DDX25: variants seen among roughly 807,000 people sequenced by gnomAD.
The protein encoded by DDX25 is DEAD-box helicase 25.
DDX25 carries 70 observed loss-of-function variants against 64.6 expected under a neutral mutation model. The observed-to-expected ratio is 1.08, with a 90% confidence interval of 0.89 to 1.32. The LOEUF (loss-of-function observed/expected upper bound fraction) is 1.32, where lower values mean the gene tolerates loss of function less well. DDX25 is among the 40% of genes most tolerant of loss of function. The pLI is 0.00. For synonymous variants in DDX25, 211 were observed against 213.3 expected (o/e 0.99, Z 0.09); for missense variants, 587 against 604.4 (o/e 0.97, Z 0.30).
intron 4 of DDX25, among the ~76,000 whole-genome samples, chr11:125,907,994 G>A (rs749209418): frequency 2.0e-5 from 3 of 152,122 alleles, no homozygotes; most frequent in Non-Finnish European, 2.9e-5. Flanking sequence ...GGCTTATGGC[G>A]TAGCTTATTA....
Position 125,921,254 on chromosome 11 carries a change from A to G in DDX25, c.1265A>G (p.Glu422Gly). 1 of 1,613,172 alleles carries G rather than the reference A, an allele frequency of 6.2e-7. No individual in the cohort carries two copies. Among genetic ancestry groups the G allele is most frequent in the Non-Finnish European group, 8.5e-7 (1 of 1,179,642 alleles). Residue 422 changes from glutamate (E) to glycine (G), a missense_variant, in exon 11 of 12, where the codon GAG becomes GGG. Transcript: ENST00000263576. The surrounding 1 kb of genome is among the most constrained non-coding windows in gnomAD (Gnocchi z 4.1). ...GATCTCCCTGTAAAACAAGGAGAGG[A>G]GCCGGACTATGAGACCTACCTCCAC... ...NFDLPVKQGE[E>G]PDYETYLHRI... is the part of the protein sequence containing the mutation.
In DDX25 at chr11:125,928,239, A is replaced by T. The variant is rs890851395; in HGVS notation, c.*5358A>T. 2.0e-5 allele frequency: 3 copies of T among 152,210 alleles called. No homozygotes were observed. The highest frequency in any genetic ancestry group is 2.9e-5 in the Non-Finnish European group (2 of 68,032). 9.4% of individuals were successfully genotyped at this position (152,210 alleles called of 1,614,324 possible). ...AATATAAACATCTGTGGTTAATTAT[A>T]GTATTATATCTTTTTATTTGAAACA... On this transcript the variant is annotated 3_prime_UTR_variant, in exon 12 of 12. Transcript: ENST00000263576.
intron 8 of DDX25, among the ~76,000 whole-genome samples, chr11:125,911,717 C>T (rs1374954846): frequency 6.6e-6 from 1 of 152,242 alleles, no homozygotes; most frequent in Non-Finnish European, 1.5e-5. Flanking sequence ...TGCAACACAG[C>T]TTACAGATGG....
In DDX25 at chr11:125,921,384, G is replaced by C; in HGVS notation, c.1390+5G>C. The C allele has an allele frequency of 6.2e-7, 1 of 1,612,768 alleles. No individual in the cohort carries two copies. The highest frequency in any genetic ancestry group is 8.5e-7 in the Non-Finnish European group (1 of 1,179,208). On this transcript the variant is annotated splice_donor_5th_base_variant and intron_variant, in intron 11 of 11. Coordinates refer to ENST00000263576, the MANE Select transcript of DDX25 (RefSeq NM_013264.5). The surrounding 1 kb of genome is among the most constrained non-coding windows in gnomAD (Gnocchi z 4.1). Reference sequence around the variant, plus strand: ...TGAAAATCCAGGACCACTTTAGTAAGTAGCACCACCCTCACAATATGAACT... The same window carrying C: ...TGAAAATCCAGGACCACTTTAGTAACTAGCACCACCCTCACAATATGAACT...
chr11:125,908,705 A>G lies in DDX25; in HGVS notation c.507+202A>G, dbSNP rs116922996. On this transcript the variant is annotated intron_variant, in intron 6 of 11. Transcript: ENST00000263576. Reference sequence around the variant, plus strand: ...GGCTTTATAGTCTTGAGTGGTTTCAATGCTAGCCTCCCACTTACTAACTGA... The same window carrying G: ...GGCTTTATAGTCTTGAGTGGTTTCAGTGCTAGCCTCCCACTTACTAACTGA... Among the ~76,000 whole-genome samples the G allele has an allele frequency of 1.2e-4, 19 of 152,010 alleles. No individual in the cohort carries two copies. In the East Asian group the frequency reaches 3.7e-3, roughly 30 times the overall value.
At chr11:125,904,782 TAGAA>T in intron 1 of DDX25, 1 of 660,328 alleles carries the variant, frequency 1.5e-6, no homozygotes, top group Non-Finnish European at 2.6e-6. Context: ...GACCTTTGGT[TAGAA>T]AGGGCAAAAA....
intron 10 of DDX25, chr11:125,920,880 G>C (rs1318329083): frequency 1.2e-5 from 3 of 243,850 alleles, no homozygotes; most frequent in African/African-American, 6.7e-5. Flanking sequence ...GGGTGGCTCT[G>C]TGGGCTTGGT....
rs1388284009 is a variant in DDX25 at position 125,921,870 on chromosome 11, AGAGT to A, written c.1390+495_1390+498del. 1 of 153,260 alleles carries A rather than the reference AGAGT, an allele frequency of 6.5e-6. No individual in the cohort carries two copies. The highest frequency in any genetic ancestry group is 1.5e-5 in the Non-Finnish European group (1 of 68,764). The allele number at this position is 153,260 out of a possible 1,614,324, so 9.5% of individuals were successfully genotyped here. A position where few individuals can be genotyped will look rare whatever the true frequency, so the allele number is the denominator to read the frequency against. On this transcript the variant is annotated intron_variant, in intron 11 of 11. Transcript: ENST00000263576. The surrounding 1 kb of genome is among the most constrained non-coding windows in gnomAD (Gnocchi z 4.1). ...CACAACTGCACTCCAGCCTGGCGAA[AGAGT>A]GAGACTGCGTCTCAAAAAAATAAAA...
rs1420144103 is a variant in DDX25 at position 125,905,541 on chromosome 11, C to A, written c.131-12C>A. 17 of 1,550,722 alleles carry A rather than the reference C, an allele frequency of 1.1e-5. No individual in the cohort carries two copies. Among genetic ancestry groups the A allele is most frequent in the Middle Eastern group, 1.7e-4 (1 of 6,008 alleles). On this transcript the variant is annotated splice_polypyrimidine_tract_variant and intron_variant, in intron 2 of 11. Coordinates refer to ENST00000263576, the MANE Select transcript of DDX25 (RefSeq NM_013264.5). ...GTCTTTACTTGTATTGTTTCTCTTC[C>A]ATCCTTTCCAGATGGTTCTATTAAT...
In DDX25 at chr11:125,918,765, C is replaced by G. The variant is rs1320632595; in HGVS notation, c.1176C>G (p.Leu392=). The change falls in exon 10 of 12, where the codon CTC becomes CTG. Residue 392 remains leucine, a synonymous_variant. Transcript: ENST00000263576. The stretch of plus-strand genomic sequence containing the variant: ...TTCGGGATGGGAAAGAGAAGGTTCT[C>G]ATAACAACTAATGTTTGTGCCCGAG... ...QRFRDGKEKV[L]ITTNVCARGI... The G allele has an allele frequency of 1.9e-6, 3 of 1,596,178 alleles. No homozygotes were observed. Among genetic ancestry groups the G allele is most frequent in the East Asian group, 4.5e-5 (2 of 44,150 alleles).
rs1591523446 is a variant in DDX25 at position 125,924,601 on chromosome 11, T to A, written c.*1720T>A. On this transcript the variant is annotated 3_prime_UTR_variant, in exon 12 of 12. Coordinates refer to ENST00000263576, the MANE Select transcript of DDX25 (RefSeq NM_013264.5). ...CCACCCAGCAACTTTCTAACCTGAGTCTACGAGAGGAAGTGTTCCAGACCC... is the reference window on the plus strand; with the variant it reads ...CCACCCAGCAACTTTCTAACCTGAGACTACGAGAGGAAGTGTTCCAGACCC... 6.6e-6 allele frequency: 1 copy of A among 152,306 alleles called. No homozygotes were observed. The highest frequency in any genetic ancestry group is 1.5e-5 in the Non-Finnish European group (1 of 68,050). 9.4% of individuals were successfully genotyped at this position (152,306 alleles called of 1,614,324 possible).
At chr11:125,905,083 C>T in intron 1 of DDX25, 129 bp from the exon 2 acceptor site, 1 of 782,820 alleles carries the variant, frequency 1.3e-6, no homozygotes, top group Non-Finnish European at 2.1e-6. Context: ...CTGCTGCTAC[C>T]TAATATTGCA....
In DDX25 at chr11:125,920,174, C is replaced by T. The variant is rs111806770; in HGVS notation, c.1202-1017C>T. 1.4e-3 allele frequency among the ~76,000 whole-genome samples: 215 copies of T among 152,270 alleles called. 1 individual carries two copies. The highest frequency in any genetic ancestry group is 4.9e-3 in the African/African-American group (204 of 41,550). On this transcript the variant is annotated intron_variant, in intron 10 of 11. Coordinates refer to ENST00000263576, the MANE Select transcript of DDX25 (RefSeq NM_013264.5). ...TTGCAGGGGCGGGTGCGGTGGCTCA[C>T]GCCTGTAATCCCAACACTTTGGGAG...
In DDX25 at chr11:125,926,057, C is replaced by T. The variant is rs2134289494; in HGVS notation, c.*3176C>T. ...GGTTTTGTCAAGCCTTGGCTTGGTT[C>T]CTGGTCCTCTGAGAGGCTCAGTCTC... On this transcript the variant is annotated 3_prime_UTR_variant, in exon 12 of 12. Transcript: ENST00000263576. 6.5e-6 allele frequency: 1 copy of T among 152,940 alleles called. No homozygotes were observed. The highest frequency in any genetic ancestry group is 2.4e-5 in the African/African-American group (1 of 41,540). The allele number at this position is 152,940 out of a possible 1,614,324, so 9.5% of individuals were successfully genotyped here.
In DDX25 at chr11:125,917,179, G is replaced by C; in HGVS notation, c.966G>C (p.Arg322Ser). 6.2e-7 allele frequency: 1 copy of C among 1,611,620 alleles called. No homozygotes were observed. The highest frequency in any genetic ancestry group is 8.5e-7 in the Non-Finnish European group (1 of 1,179,054). ...AATATTACGTGCTGTGTGAGCACAGGAAAGACAAATACCAAGCTCTGTGCA... is the reference window on the plus strand; with the variant it reads ...AATATTACGTGCTGTGTGAGCACAGCAAAGACAAATACCAAGCTCTGTGCA... ...IRQYYVLCEH[R>S]KDKYQALCNI... Residue 322 changes from arginine to serine, a missense_variant, in exon 9 of 12, where the codon AGG becomes AGC. Transcript: ENST00000263576.
chr11:125,907,525 G>C (rs533507753), intron 4 of DDX25, among the ~76,000 whole-genome samples: 1 of 151,958 alleles, frequency 6.6e-6, no homozygotes, highest in Non-Finnish European at 1.5e-5. Flanking sequence ...GGAGAATGGC[G>C]TGAACCCGGG....
At position 125,926,541 on chromosome 11, in the gene DDX25, CTTCTCTTTTTTTT is replaced by C. The variant is rs1180683141; in HGVS notation, c.*3663_*3675del. 2 of 151,446 alleles carry C rather than the reference CTTCTCTTTTTTTT, an allele frequency of 1.3e-5. No individual in the cohort carries two copies. The highest frequency in any genetic ancestry group is 4.9e-5 in the African/African-American group (2 of 40,942). The allele number at this position is 151,446 out of a possible 1,614,324, so 9.4% of individuals were successfully genotyped here. A position where few individuals can be genotyped will look rare whatever the true frequency, so the allele number is the denominator to read the frequency against. On this transcript the variant is annotated 3_prime_UTR_variant, in exon 12 of 12. Coordinates refer to ENST00000263576, the MANE Select transcript of DDX25 (RefSeq NM_013264.5). ...TGGCTGAGAGAATTTGACATTTTCC[CTTCTCTTTTTTTT>C]TTTTTTGAGATGGAGTCTCACTGTG...
intron 10 of DDX25, among the ~76,000 whole-genome samples, chr11:125,919,486 C>G (rs552316522): frequency 3.3e-5 from 5 of 151,572 alleles, no homozygotes; most frequent in Admixed American, 3.3e-4. Context: ...TCTCTGATAA[C>G]TAATGATGTT....
rs1489964329 is a variant in DDX25, at chr11:125,911,446, T to C, written c.758T>C (p.Ile253Thr). The C allele has an allele frequency of 6.2e-7, 1 of 1,613,952 alleles. No homozygotes were observed. The highest frequency in any genetic ancestry group is 2.2e-5 in the East Asian group (1 of 44,874). ...GTCCTGGATGAAGCAGATGTGATGATTGACACTCAAGGATTCTCAGATCAT... is the reference window on the plus strand; with the variant it reads ...GTCCTGGATGAAGCAGATGTGATGACTGACACTCAAGGATTCTCAGATCAT... ...VFVLDEADVM[I>T]DTQGFSDHSI... Residue 253 changes from isoleucine to threonine, a missense_variant, in exon 8 of 12, where the codon ATT (isoleucine) becomes ACT (threonine). Transcript: ENST00000263576.
Sources: allele counts gnomAD v4.1 joint callset (sites outside exome capture counted in the v4.1 genomes callset), GRCh38; gene constraint gnomAD v4.1.1; non-coding constraint Gnocchi (gnomAD v3.1); transcripts MANE v1.5; gene names NCBI Gene and HGNC (gene_info 2026-07-23, HGNC 2026-07-21).